Variants in COMT observed in about 807,000 individuals in gnomAD.
The protein encoded by COMT is catechol O-methyltransferase.
A neutral mutation model predicts 18.9 loss-of-function variants in COMT; 13 were observed. The observed-to-expected ratio is 0.69, with a 90% CI of 0.45 to 1.09. COMT has a LOEUF of 1.09. Among genes scored for constraint, COMT ranks in the 50% least tolerant of loss-of-function variants. The probability of loss-of-function intolerance (pLI) is 0.00; values close to 1 mark genes in which losing one functional copy is unlikely to be tolerated. For missense variants in COMT, 329 were observed against 361.8 expected, an observed-to-expected ratio of 0.91 and a Z score of 0.73; for synonymous variants, 150 against 160.9, an observed-to-expected ratio of 0.93 and a Z score of 0.51.
chr22:19,956,023 C>T (rs1365451616), intron 1 of COMT, among the ~76,000 whole-genome samples: 1 of 151,604 alleles, frequency 6.6e-6, no homozygotes, highest in Non-Finnish European at 1.5e-5. Context: ...ACCAAAGTGT[C>T]AATCACTCTT....
chr22:19,956,932 T>C (rs866619268), intron 1 of COMT, among the ~76,000 whole-genome samples: 10 of 151,804 alleles, frequency 6.6e-5, no homozygotes, highest in African/African-American at 2.2e-4. Flanking sequence ...ACTTGCAGTA[T>C]ATTTATGGAA....
At chr22:19,945,237 G>A (rs766018767) in intron 1 of COMT, among the ~76,000 whole-genome samples, 2 of 152,056 alleles carry the variant, frequency 1.3e-5, no homozygotes, top group Non-Finnish European at 2.9e-5. Context: ...AAGGTTCCTG[G>A]GCCTTAGAAC....
Position 19,962,804 on chromosome 22 carries a change from G to A in COMT, c.278G>A (p.Gly93Asp). 1 of 1,604,638 alleles carries A rather than the reference G, an allele frequency of 6.2e-7. No individual in the cohort carries two copies. The highest frequency in any genetic ancestry group is 8.5e-7 in the Non-Finnish European group (1 of 1,172,484). The change falls in exon 3 of 6, where the codon GGC (glycine) becomes GAC (aspartate). Residue 93 changes from glycine (G) to aspartate (D), a missense_variant. Transcript: ENST00000361682. The stretch of plus-strand genomic sequence containing the variant: ...CAGAAGGAGTGGGCCATGAACGTGG[G>A]CGACAAGAAAGGTGGGGTCCGGGCC... ...CEQKEWAMNV[G>D]DKKGKIVDAV...
rs1941971667 is a variant in COMT at position 19,952,706 on chromosome 22, A to C, written c.-91-8493A>C. Among the ~76,000 whole-genome samples, 3 of 151,474 alleles carry C rather than the reference A, an allele frequency of 2.0e-5. No homozygotes were observed. In the South Asian group the frequency reaches 6.2e-4, roughly 32 times the overall value. On this transcript the variant is annotated intron_variant, in intron 1 of 5. Coordinates refer to ENST00000361682, the MANE Select transcript of COMT (RefSeq NM_000754.4). ...AGTGGCTCACGCCTGTAATCCCAGC[A>C]CTTTGGGAGGCCGAGGTGGGCAGAT...
chr22:19,963,666 G>A lies in COMT; in HGVS notation c.390G>A (p.Leu130=). The part of the protein sequence containing the change: ...GYSAVRMARL[L]SPGARLITIE... ...CAGCTGTGCGCATGGCCCGCCTGCT[G>A]TCACCAGGGGCGAGGCTCATCACCA... is the stretch of plus-strand genomic sequence containing the variant. The change falls in exon 4 of 6, where the codon CTG becomes CTA. Residue 130 remains leucine, a synonymous_variant. Transcript: ENST00000361682. The A allele has an allele frequency of 6.2e-7, 1 of 1,613,000 alleles. No individual in the cohort carries two copies. Among genetic ancestry groups the A allele is most frequent in the Non-Finnish European group, 8.5e-7 (1 of 1,180,012 alleles).
intron 5 of COMT, 189 bp downstream of exon 5, chr22:19,964,488 G>C: frequency 1.1e-6 from 1 of 883,732 alleles, no homozygotes; most frequent in Non-Finnish European, 1.8e-6. Context: ...GATGGGTGGG[G>C]AGCTGGGCCA....
At chr22:19,956,137 CTTTTTTTTT>C (rs71186638) in intron 1 of COMT, among the ~76,000 whole-genome samples, 6 of 84,824 alleles carry the variant, frequency 7.1e-5, no homozygotes, top group African/African-American at 9.7e-5. Context: ...TTCTTTTTTT[CTTTTTTTTT>C]TTTTTTTTTT....
rs530524098 is a variant in COMT at position 19,964,835 on chromosome 22, T to G, written c.615+536T>G. On this transcript the variant is annotated intron_variant, in intron 5 of 5. Coordinates refer to ENST00000361682, the MANE Select transcript of COMT (RefSeq NM_000754.4). ...GCTGTCCTCGCTTCCCTGGGGGGCG[T>G]GGGGCACTGGTGGCCCTTCACAGAC... 1.8e-4 allele frequency: 54 copies of G among 294,416 alleles called. 1 individual carries two copies. In the South Asian group the frequency reaches 2.1e-3, roughly 11 times the overall value. The allele number at this position is 294,416 out of a possible 1,614,324, so 18.2% of individuals were successfully genotyped here.
chr22:19,950,445 T>C (rs1941911956), intron 1 of COMT, among the ~76,000 whole-genome samples: 1 of 152,128 alleles, frequency 6.6e-6, no homozygotes, highest in South Asian at 2.1e-4. Context: ...GGTCACTTGC[T>C]CCATGTGAGG....
chr22:19,942,473 C>T (rs923945887), intron 1 of COMT, among the ~76,000 whole-genome samples: 1 of 152,054 alleles, frequency 6.6e-6, no homozygotes, highest in Non-Finnish European at 1.5e-5. Context: ...AGGAAGGGGC[C>T]CAGGACTCCC....
chr22:19,955,668 A>C (rs994179411), intron 1 of COMT, among the ~76,000 whole-genome samples: 15 of 152,212 alleles, frequency 9.9e-5, no homozygotes, highest in Non-Finnish European at 2.1e-4. Flanking sequence ...CTGTGGCTCT[A>C]TGCTTGTCTC....
intron 1 of COMT, among the ~76,000 whole-genome samples, chr22:19,949,082 G>A (rs962951172): frequency 1.3e-5 from 2 of 151,868 alleles, no homozygotes; most frequent in Non-Finnish European, 2.9e-5. Context: ...ACTTTCTTGA[G>A]GCCAGGAGTT....
In COMT at chr22:19,963,352, G is replaced by A. The variant is rs9332366; in HGVS notation, c.290-214G>A. The A allele has an allele frequency of 8.4e-3, 5,141 of 614,394 alleles. 36 individuals carry two copies. The highest frequency in any genetic ancestry group is 0.011 in the Non-Finnish European group (3,998 of 347,656). 38.1% of individuals were successfully genotyped at this position (614,394 alleles called of 1,614,324 possible). A position where few individuals can be genotyped will look rare whatever the true frequency, so the allele number is the denominator to read the frequency against. ...CTAAGGGACCATGGGAGCTCCAAGCGCGCTCACAGTGGGGACCAGGTCCTG... is the reference window on the plus strand; with the variant it reads ...CTAAGGGACCATGGGAGCTCCAAGCACGCTCACAGTGGGGACCAGGTCCTG... On this transcript the variant is annotated intron_variant, in intron 3 of 5. Coordinates refer to ENST00000361682, the MANE Select transcript of COMT (RefSeq NM_000754.4).
At chr22:19,942,084 G>A (rs1051750047) in intron 1 of COMT, 187 bp downstream of exon 1, 2 of 364,226 alleles carry the variant, frequency 5.5e-6, no homozygotes, top group Non-Finnish European at 4.9e-6. Flanking sequence ...CGGACCTTGG[G>A]TGGGGATCTT....
chr22:19,964,812 T>G, intron 5 of COMT: 1 of 304,846 alleles, frequency 3.3e-6, no homozygotes, highest in Non-Finnish European at 6.3e-6. Context: ...CGGGTGGGGC[T>G]GTCCTCGCTT....
intron 1 of COMT, among the ~76,000 whole-genome samples, chr22:19,942,367 G>C (rs56901835): frequency 1.3e-5 from 2 of 152,108 alleles, no homozygotes; most frequent in Non-Finnish European, 2.9e-5. Context: ...TGGAGCCCCA[G>C]ACTCAGAGGG....
At chr22:19,960,594 GC>G (rs1164429179) in intron 1 of COMT, among the ~76,000 whole-genome samples, 1 of 152,348 alleles carries the variant, frequency 6.6e-6, no homozygotes, top group Middle Eastern at 3.4e-3. Flanking sequence ...TTCCCTGCAG[GC>G]CTGGGACCCT....
chr22:19,951,314 A>T (rs174687), intron 1 of COMT, among the ~76,000 whole-genome samples: 2 of 146,468 alleles, frequency 1.4e-5, no homozygotes, highest in African/African-American at 5.1e-5. Context: ...AGCCGAGATT[A>T]TGCCACTGCA....
chr22:19,960,172 A>C (rs1288211236), intron 1 of COMT, among the ~76,000 whole-genome samples: 2 of 152,266 alleles, frequency 1.3e-5, no homozygotes, highest in African/African-American at 4.8e-5. Flanking sequence ...ATTTGGATTT[A>C]TAATTTGGGA....
Sources: allele counts gnomAD v4.1 joint callset (sites outside exome capture counted in the v4.1 genomes callset), GRCh38; gene constraint gnomAD v4.1.1; transcripts MANE v1.5; gene names NCBI Gene and HGNC (gene_info 2026-07-23, HGNC 2026-07-21).